STAMBPL1: variants seen among roughly 807,000 people sequenced by gnomAD.
The protein encoded by STAMBPL1 is STAM binding protein like 1.
A neutral mutation model predicts 52.9 loss-of-function variants in STAMBPL1; 44 were observed. The ratio of observed to expected loss-of-function variants is 0.83; its 90% CI spans 0.65 to 1.07. STAMBPL1 has a LOEUF of 1.07. Ranked by LOEUF, STAMBPL1 falls within the 50% of genes least tolerant of loss-of-function variation. The pLI is 0.00. For missense variants in STAMBPL1, 511 were observed against 520.8 expected (o/e 0.98, Z 0.18); for synonymous variants, 164 against 177.3 (o/e 0.92, Z 0.60).
chr10:88,897,216 A>C (rs974797845), intron 1 of STAMBPL1, among the ~76,000 whole-genome samples: 5 of 152,162 alleles, frequency 3.3e-5, no homozygotes, highest in African/African-American at 1.2e-4. Flanking sequence ...CCCTCTGGGC[A>C]CAGTCGACTG....
intron 9 of STAMBPL1, among the ~76,000 whole-genome samples, chr10:88,922,058 C>G (rs1006945411): frequency 1.3e-5 from 2 of 152,166 alleles, no homozygotes; most frequent in African/African-American, 4.8e-5. Flanking sequence ...ATGAGACTCT[C>G]TAGTGGGGCT....
In STAMBPL1 at chr10:88,905,678, C is replaced by T. The variant is rs1464836572; in HGVS notation, c.248+18C>T. The T allele has an allele frequency of 9.5e-6, 15 of 1,583,422 alleles. No homozygotes were observed. Among genetic ancestry groups the T allele is most frequent in the Non-Finnish European group, 1.3e-5 (15 of 1,159,418 alleles). On this transcript the variant is annotated intron_variant, in intron 3 of 10. Transcript: ENST00000371926. ...TTTATAACGTAAGTGTTTTAAAGGC[C>T]TCTGAAGTGAGAAAATTGGAAAAAT...
intron 1 of STAMBPL1, among the ~76,000 whole-genome samples, chr10:88,899,152 A>G (rs750085535): frequency 6.6e-6 from 1 of 152,162 alleles, no homozygotes; most frequent in Non-Finnish European, 1.5e-5. Flanking sequence ...TGGCCTTCCT[A>G]GAAGTTTGTG....
intron 5 of STAMBPL1, 115 bp from the exon 6 acceptor site, chr10:88,912,986 G>A: frequency 1.2e-6 from 1 of 852,464 alleles, no homozygotes; most frequent in Non-Finnish European, 1.8e-6. Flanking sequence ...GTCCCTGTGG[G>A]CATATCACAG....
rs780489837 is a variant in STAMBPL1, at chr10:88,922,355, C to T, written c.1173C>T (p.Leu391=). The change falls in exon 10 of 11, where the codon CTC becomes CTT. Residue 391 remains leucine, a synonymous_variant. Coordinates refer to ENST00000371926, the MANE Select transcript of STAMBPL1 (RefSeq NM_020799.4). ...PKHKDTGIFR[L]TNAGMLEVSA... Reference sequence around the variant, plus strand: ...AATTTAGCACTGGCATCTTCAGGCTCACCAATGCTGGCATGCTTGAGGTTT... The same window carrying T: ...AATTTAGCACTGGCATCTTCAGGCTTACCAATGCTGGCATGCTTGAGGTTT... 9.3e-6 allele frequency: 15 copies of T among 1,613,394 alleles called. No individual in the cohort carries two copies. The highest frequency in any genetic ancestry group is 1.7e-5 in the Admixed American group (1 of 59,920).
At chr10:88,921,820 A>G (rs140712787) in intron 9 of STAMBPL1, among the ~76,000 whole-genome samples, 2 of 152,216 alleles carry the variant, frequency 1.3e-5, no homozygotes, top group Non-Finnish European at 2.9e-5. Context: ...CCACCCCTCA[A>G]GTGGTGTGTT....
chr10:88,885,074 G>T (rs984558541), intron 1 of STAMBPL1, among the ~76,000 whole-genome samples: 1 of 152,154 alleles, frequency 6.6e-6, no homozygotes, highest in African/African-American at 2.4e-5. Context: ...GTACCATTTT[G>T]CAGATTAAAA....
chr10:88,898,339 TA>T (rs1334381540), intron 1 of STAMBPL1, among the ~76,000 whole-genome samples: 12 of 152,214 alleles, frequency 7.9e-5, no homozygotes, highest in African/African-American at 2.9e-4. Flanking sequence ...TTAGTAATAT[TA>T]TGAAAGTAAT....
chr10:88,918,286 C>CAT (rs1331947137), intron 8 of STAMBPL1, among the ~76,000 whole-genome samples: 2 of 145,102 alleles, frequency 1.4e-5, no homozygotes, highest in African/African-American at 5.2e-5. Flanking sequence ...AGCATGCACA[C>CAT]ACACACACAC....
intron 1 of STAMBPL1, among the ~76,000 whole-genome samples, chr10:88,887,335 G>A (rs946756056): frequency 1.3e-5 from 2 of 152,074 alleles, no homozygotes; most frequent in Non-Finnish European, 2.9e-5. Context: ...AAATTAAAAT[G>A]TGGATCTTGA....
Position 88,914,676 on chromosome 10 carries a change from A to AT in STAMBPL1, c.903+18_903+19insT, listed in dbSNP as rs1845323811. 19 of 1,068,082 alleles carry AT rather than the reference A, an allele frequency of 1.8e-5. No individual in the cohort carries two copies. Among genetic ancestry groups the AT allele is most frequent in the East Asian group, 7.3e-5 (2 of 27,470 alleles). The allele number at this position is 1,068,082 out of a possible 1,614,324, so 66.2% of individuals were successfully genotyped here. ...GAAAACTGGTATGATCTTTTTATATAAATATATATATATATATATCTGCAT... is the reference window on the plus strand; with the variant it reads ...GAAAACTGGTATGATCTTTTTATATATAATATATATATATATATATCTGCAT... On this transcript the variant is annotated intron_variant, in intron 7 of 10. Transcript: ENST00000371926.
In STAMBPL1 at chr10:88,921,342, TCAA is replaced by T. The variant is rs1195413628; in HGVS notation, c.1103_1105del (p.Gln368del). On this transcript the variant is annotated inframe_deletion, in exon 9 of 11. Coordinates refer to ENST00000371926, the MANE Select transcript of STAMBPL1 (RefSeq NM_020799.4). ...TTGATCTTCACACTCACTGTTCCTA[TCAA>T]CTCATGTTGCCAGAGGCCATTGCCA... 5.0e-6 allele frequency: 8 copies of T among 1,613,298 alleles called. No individual in the cohort carries two copies. Among genetic ancestry groups the T allele is most frequent in the Non-Finnish European group, 6.8e-6 (8 of 1,179,520 alleles).
intron 8 of STAMBPL1, among the ~76,000 whole-genome samples, chr10:88,918,952 T>C (rs1845438751): frequency 6.6e-6 from 1 of 152,188 alleles, no homozygotes; most frequent in Non-Finnish European, 1.5e-5. Context: ...TTTGTTAAAC[T>C]CATTTCACCG....
chr10:88,917,900 A>C (rs1348964555), intron 8 of STAMBPL1, among the ~76,000 whole-genome samples: 1 of 152,118 alleles, frequency 6.6e-6, no homozygotes, highest in East Asian at 1.9e-4. Context: ...AGCAGCCTTC[A>C]CTACACACCC....
At chr10:88,887,382 G>A (rs1245871151) in intron 1 of STAMBPL1, among the ~76,000 whole-genome samples, 1 of 152,076 alleles carries the variant, frequency 6.6e-6, no homozygotes, top group Non-Finnish European at 1.5e-5. Context: ...GGCACACGTA[G>A]TTATTTTTCT....
In STAMBPL1 at chr10:88,914,576, A is replaced by G; in HGVS notation, c.821A>G (p.Asp274Gly). The G allele has an allele frequency of 3.2e-6, 5 of 1,540,454 alleles. No individual in the cohort carries two copies. The highest frequency in any genetic ancestry group is 4.4e-6 in the Non-Finnish European group (5 of 1,141,310). The change falls in exon 7 of 11, where the codon GAT (aspartate) becomes GGT (glycine). Residue 274 changes from aspartate (D) to glycine (G), a missense_variant. Coordinates refer to ENST00000371926, the MANE Select transcript of STAMBPL1 (RefSeq NM_020799.4). Reference protein sequence around the residue: ...EGLRCVVLPEDLCHKFLQLAE... With the variant: ...EGLRCVVLPEGLCHKFLQLAE... Reference sequence around the variant, plus strand: ...CTGCGATGTGTAGTTTTGCCAGAAGATCTTTGCCACAAATTTCTGCAACTG... The same window carrying G: ...CTGCGATGTGTAGTTTTGCCAGAAGGTCTTTGCCACAAATTTCTGCAACTG...
chr10:88,882,187 C>T (rs1844422165), intron 1 of STAMBPL1: 2 of 149,574 alleles, frequency 1.3e-5, no homozygotes, highest in South Asian at 2.2e-4. Context: ...TCCTTTACCT[C>T]TATCTCAACC....
At chr10:88,910,589 T>C (rs1845195100) in intron 4 of STAMBPL1, among the ~76,000 whole-genome samples, 1 of 152,218 alleles carries the variant, frequency 6.6e-6, no homozygotes, top group Non-Finnish European at 1.5e-5. Flanking sequence ...AAGTCATTGA[T>C]CTCAAACTCA....
chr10:88,908,301 T>C (rs1845127202), intron 3 of STAMBPL1, among the ~76,000 whole-genome samples: 2 of 152,158 alleles, frequency 1.3e-5, no homozygotes, highest in Admixed American at 6.5e-5. Flanking sequence ...CAGTGGTCGT[T>C]TGAGTTTTTT....
Sources: gnomAD v4.1 joint callset for allele counts (sites outside exome capture counted in the v4.1 genomes callset) on GRCh38, gnomAD v4.1.1 for gene constraint, MANE v1.5 for transcripts, NCBI Gene and HGNC (gene_info 2026-07-23, HGNC 2026-07-21) for gene names.